Variants in NME5 observed in about 807,000 individuals in gnomAD.
The protein encoded by NME5 is nucleoside diphosphate kinase 5.
In NME5, 18 loss-of-function variants were observed where a neutral mutation model predicts 21.6. The ratio of observed to expected loss-of-function variants is 0.83; its 90% confidence interval spans 0.58 to 1.24. The LOEUF (loss-of-function observed/expected upper bound fraction) is 1.24, where lower values mean the gene tolerates loss of function less well. Ranked by LOEUF, NME5 falls within the 50% of genes most tolerant of loss-of-function variation. NME5 has a pLI of 0.00. For missense variants in NME5, 223 were observed against 255.4 expected, an observed-to-expected ratio of 0.87 and a Z score of 0.86; for synonymous variants, 70 against 80.6, an observed-to-expected ratio of 0.87 and a Z score of 0.71.
chr5:138,128,611 A>G, intron 3 of NME5, 32 bp from the exon 4 acceptor site: 1 of 1,471,056 alleles, frequency 6.8e-7, no homozygotes, highest in Non-Finnish European at 9.4e-7. Flanking sequence ...CGTCCATCCA[A>G]TCTAACGTCT....
intron 3 of NME5, 128 bp from the exon 4 acceptor site, chr5:138,128,707 G>A (rs1235572176): frequency 3.4e-6 from 2 of 595,460 alleles, no homozygotes; most frequent in Non-Finnish European, 2.9e-6. Context: ...CACAATTTAT[G>A]TCAAATTTAA....
At chr5:138,127,628 A>G in intron 4 of NME5, 2 of 984,272 alleles carry the variant, frequency 2.0e-6, no homozygotes, top group South Asian at 4.7e-5. Context: ...TTTCTGCTCT[A>G]AAAATATTAA....
intron 4 of NME5, among the ~76,000 whole-genome samples, chr5:138,122,474 G>C (rs1410820409): frequency 2.6e-5 from 3 of 114,262 alleles, no homozygotes; most frequent in Admixed American, 9.1e-5. Context: ...AAAAAATTGT[G>C]CCTAAATATT....
rs1012344673 is a variant in NME5, at chr5:138,119,657, C to A, written c.437-721G>T. Reference sequence around the variant, plus strand: ...GCCTGTTTTCTTTTTCTTTTCTTTTCTTTATTTTTTTTTTTTTGAGACAGA... The same window carrying A: ...GCCTGTTTTCTTTTTCTTTTCTTTTATTTATTTTTTTTTTTTTGAGACAGA... On this transcript the variant is annotated intron_variant, in intron 4 of 5. Transcript: ENST00000265191. Among the ~76,000 whole-genome samples the A allele has an allele frequency of 4.7e-5, 6 of 126,984 alleles. No individual in the cohort carries two copies. In the East Asian group the frequency reaches 1.9e-3, roughly 39 times the overall value. The allele number at this position is 126,984 out of a possible 152,430, so 83.3% of individuals were successfully genotyped here. A position where few individuals can be genotyped will look rare whatever the true frequency, so the allele number is the denominator to read the frequency against.
At chr5:138,121,121 G>A (rs764287985) in intron 4 of NME5, among the ~76,000 whole-genome samples, 15 of 151,660 alleles carry the variant, frequency 9.9e-5, no homozygotes, top group Non-Finnish European at 2.1e-4. Flanking sequence ...GAAGCCATGA[G>A]TTTGAGACCA....
intron 4 of NME5, 120 bp from the exon 5 acceptor site, chr5:138,119,056 G>A: frequency 1.7e-6 from 1 of 589,334 alleles, no homozygotes; most frequent in Non-Finnish European, 3.0e-6. Context: ...TTGAGATGGA[G>A]TCTTACTCTG....
At chr5:138,127,815 A>G (rs1751458065) in intron 4 of NME5, 2 of 365,108 alleles carry the variant, frequency 5.5e-6, no homozygotes, top group South Asian at 2.3e-4. Context: ...GTAGTTTCCT[A>G]GAGAGACTAT....
intron 4 of NME5, among the ~76,000 whole-genome samples, chr5:138,125,036 C>T (rs998948672): frequency 1.2e-4 from 19 of 152,146 alleles, no homozygotes; most frequent in Admixed American, 3.3e-4. Context: ...GATCCTCCCA[C>T]TTTAGCCTCC....
intron 4 of NME5, among the ~76,000 whole-genome samples, chr5:138,120,922 C>G (rs1156385819): frequency 6.6e-6 from 1 of 152,140 alleles, no homozygotes; most frequent in African/African-American, 2.4e-5. Flanking sequence ...AACATCATAG[C>G]ATAGCATAGC....
chr5:138,129,935 C>G (rs544797011), intron 2 of NME5, among the ~76,000 whole-genome samples: 1 of 152,128 alleles, frequency 6.6e-6, no homozygotes, highest in Admixed American at 6.6e-5. Context: ...CCAGCCCGGG[C>G]GACAGAGAAA....
intron 2 of NME5, among the ~76,000 whole-genome samples, chr5:138,134,091 A>C (rs942284661): frequency 6.6e-5 from 10 of 152,070 alleles, no homozygotes; most frequent in Non-Finnish European, 1.2e-4. Context: ...ATTTACATTA[A>C]ATTTTTTTGT....
In NME5 at chr5:138,129,324, A is replaced by G; in HGVS notation, c.274T>C (p.Tyr92His). 1 of 1,614,072 alleles carries G rather than the reference A, an allele frequency of 6.2e-7. No individual in the cohort carries two copies. Among genetic ancestry groups the G allele is most frequent in the Non-Finnish European group, 8.5e-7 (1 of 1,179,984 alleles). ...MILARHKAIS[Y>H]WLELLGPNNS... ...TTTGGTCCCAAAAGTTCTAACCAATAAGAGATGGCTTTATGTCTAGCTAAT... is the reference window on the plus strand; with the variant it reads ...TTTGGTCCCAAAAGTTCTAACCAATGAGAGATGGCTTTATGTCTAGCTAAT... Residue 92 changes from tyrosine to histidine, a missense_variant, in exon 3 of 6, where the codon TAT becomes CAT. Tyr to His is a moderately conservative substitution (Grantham distance 83). Coordinates refer to ENST00000265191, the MANE Select transcript of NME5 (RefSeq NM_003551.3).
Position 138,115,660 on chromosome 5 carries a change from GTTCT to G in NME5, c.*17_*20del. 1 of 1,456,574 alleles carries G rather than the reference GTTCT, an allele frequency of 6.9e-7. No homozygotes were observed. Among genetic ancestry groups the G allele is most frequent in the Non-Finnish European group, 9.3e-7 (1 of 1,080,772 alleles). The allele number at this position is 1,456,574 out of a possible 1,614,324, so 90.2% of individuals were successfully genotyped here. On this transcript the variant is annotated 3_prime_UTR_variant, in exon 6 of 6. Transcript: ENST00000265191. ...TTTATAATAAGATAGTTCATGATTT[GTTCT>G]TTCGAGGATTTTTTTTTTAATAAGG...
chr5:138,131,590 A>G (rs888320717), intron 2 of NME5, among the ~76,000 whole-genome samples: 7 of 152,020 alleles, frequency 4.6e-5, no homozygotes, highest in East Asian at 1.9e-4. Context: ...ATGTTTCTCA[A>G]TCTGAAAGAG....
chr5:138,136,385 C>A (rs751504393), intron 2 of NME5, among the ~76,000 whole-genome samples: 2 of 152,138 alleles, frequency 1.3e-5, no homozygotes, highest in Non-Finnish European at 2.9e-5. Flanking sequence ...TTTTAACTTG[C>A]TTTTTTTCCC....
At chr5:138,117,204 C>CAAAAAA in intron 5 of NME5, among the ~76,000 whole-genome samples, 2 of 63,548 alleles carry the variant, frequency 3.1e-5, no homozygotes, top group Admixed American at 2.2e-4. Context: ...GACCCTGTCT[C>CAAAAAA]AAAAAAAAAA....
chr5:138,133,262 G>T (rs1372162627), intron 2 of NME5, among the ~76,000 whole-genome samples: 2 of 151,634 alleles, frequency 1.3e-5, no homozygotes, highest in East Asian at 3.9e-4. Flanking sequence ...TACCACGCCC[G>T]GCTAATTTTT....
rs1294429694 is a variant in NME5 at position 138,129,322 on chromosome 5, A to G, written c.276T>C (p.Tyr92=). The G allele has an allele frequency of 6.2e-6, 10 of 1,614,086 alleles. No homozygotes were observed. The highest frequency in any genetic ancestry group is 2.2e-5 in the East Asian group (1 of 44,876). ...TATTTGGTCCCAAAAGTTCTAACCA[A>G]TAAGAGATGGCTTTATGTCTAGCTA... ...MILARHKAIS[Y]WLELLGPNNS... is the part of the protein sequence containing the mutation. The change falls in exon 3 of 6, where the codon TAT becomes TAC. Residue 92 remains tyrosine, a synonymous_variant. Transcript: ENST00000265191.
intron 5 of NME5, among the ~76,000 whole-genome samples, chr5:138,117,231 A>AG (rs1233257596): frequency 6.6e-6 from 1 of 150,778 alleles, no homozygotes; most frequent in African/African-American, 2.4e-5. Flanking sequence ...AAAAAAGGAA[A>AG]GAAAAAAAAT....
Sources: gnomAD v4.1 joint callset for allele counts (sites outside exome capture counted in the v4.1 genomes callset) on GRCh38, gnomAD v4.1.1 for gene constraint, MANE v1.5 for transcripts, NCBI Gene and HGNC (gene_info 2026-07-23, HGNC 2026-07-21) for gene names.